Variants in ZNF398 observed in about 807,000 individuals in gnomAD.
ZNF398 encodes zinc finger protein 398.
ZNF398 carries 18 observed loss-of-function variants against 41.9 expected under a neutral mutation model. The observed-to-expected ratio is 0.43, with a 90% CI of 0.30 to 0.64. The LOEUF (loss-of-function observed/expected upper bound fraction) is 0.64. Ranked by LOEUF, ZNF398 falls within the 30% of genes least tolerant of loss-of-function variation. The pLI is 0.14. For synonymous variants in ZNF398, 260 were observed against 308.8 expected (o/e 0.84, Z 1.66); for missense variants, 669 against 822.8 (o/e 0.81, Z 2.29).
At chr7:149,140,290 A>T (rs1380875173) in intron 2 of ZNF398, among the ~76,000 whole-genome samples, 1 of 152,204 alleles carries the variant, frequency 6.6e-6, no homozygotes, top group African/African-American at 2.4e-5. Context: ...GTTTATAAAA[A>T]TATAATTCTA....
intron 4 of ZNF398, among the ~76,000 whole-genome samples, chr7:149,175,639 A>T (rs115445834): frequency 6.6e-6 from 1 of 152,192 alleles, no homozygotes; most frequent in African/African-American, 2.4e-5. Flanking sequence ...TTCTGTGTCT[A>T]TACTGAACTA....
chr7:149,172,403 T>C (rs6947302), intron 4 of ZNF398, among the ~76,000 whole-genome samples: 33,570 of 152,062 alleles, frequency 0.22, 4,376 homozygotes, highest in African/African-American at 0.35. Flanking sequence ...TTAGAAGCTA[T>C]GTCAACTGTG....
intron 4 of ZNF398, among the ~76,000 whole-genome samples, chr7:149,170,596 A>G (rs1795314073): frequency 6.6e-6 from 1 of 152,014 alleles, no homozygotes; most frequent in Non-Finnish European, 1.5e-5. Flanking sequence ...TTAGCCAGCC[A>G]TGGTGGTGGG....
rs10279704 is a variant in ZNF398 at position 149,175,539 on chromosome 7, G to A, written c.662-929G>A. Among the ~76,000 whole-genome samples the A allele has an allele frequency of 9.7e-3, 1,470 of 152,166 alleles. 26 individuals are homozygous for A. Among genetic ancestry groups the A allele is most frequent in the African/African-American group, 0.033 (1,378 of 41,504 alleles). Reference sequence around the variant, plus strand: ...CCCCTCCCAGCATTTAGGAAACAATGACTTGTATCATTTAATAGACAAAGA... The same window carrying A: ...CCCCTCCCAGCATTTAGGAAACAATAACTTGTATCATTTAATAGACAAAGA... On this transcript the variant is annotated intron_variant, in intron 4 of 5. Coordinates refer to ENST00000475153, the MANE Select transcript of ZNF398 (RefSeq NM_170686.3).
chr7:149,156,064 G>A (rs1359558180), intron 2 of ZNF398, among the ~76,000 whole-genome samples: 1 of 152,028 alleles, frequency 6.6e-6, no homozygotes, highest in Non-Finnish European at 1.5e-5. Flanking sequence ...GCTGCTTTGT[G>A]GAGGATGGAT....
chr7:149,176,672 A>G (rs576904253), intron 5 of ZNF398, 91 bp downstream of exon 5: 6 of 751,176 alleles, frequency 8.0e-6, no homozygotes, highest in Non-Finnish European at 1.3e-5. Context: ...GTAGAGGCAA[A>G]TATGTGGGAG....
At position 149,161,726 on chromosome 7, in the gene ZNF398, C is replaced by CAG. The variant is rs1795108194; in HGVS notation, c.421-4431_421-4430dup. Reference sequence around the variant, plus strand: ...AAAGCAAACATACCAGGAAAAACTTCAGCTCCTGCTTGAAGAACTAAGAGG... The same window carrying CAG: ...AAAGCAAACATACCAGGAAAAACTTCAGAGCTCCTGCTTGAAGAACTAAGAGG... On this transcript the variant is annotated intron_variant, in intron 2 of 5. Coordinates refer to ENST00000475153, the MANE Select transcript of ZNF398 (RefSeq NM_170686.3). 2.0e-5 allele frequency among the ~76,000 whole-genome samples: 3 copies of CAG among 151,654 alleles called. No homozygotes were observed. In the South Asian group the frequency reaches 6.2e-4, roughly 32 times the overall value.
chr7:149,153,048 G>T (rs1366677344), intron 1 of ZNF398, among the ~76,000 whole-genome samples: 2 of 151,818 alleles, frequency 1.3e-5, no homozygotes, highest in African/African-American at 2.4e-5. Context: ...TAGTAGAGAC[G>T]GGATTTCACC....
Position 149,147,874 on chromosome 7 carries a change from G to C in ZNF398, c.24+108G>C. The C allele has an allele frequency of 8.1e-7, 1 of 1,228,724 alleles. No homozygotes were observed. Among genetic ancestry groups the C allele is most frequent in the Non-Finnish European group, 1.0e-6 (1 of 964,202 alleles). 76.1% of individuals were successfully genotyped at this position (1,228,724 alleles called of 1,614,324 possible). ...GGCATAGGCGCCGTTCTCGGGTCCC[G>C]CCGGCCACGTCGCCTGTCGCCCGTG... On this transcript the variant is annotated intron_variant, in intron 1 of 5. Transcript: ENST00000475153. This position sits in a 1 kb window ranked among gnomAD's most constrained non-coding sequence, Gnocchi z 5.6.
chr7:149,148,199 C>G (rs1474641577), intron 1 of ZNF398: 1 of 168,430 alleles, frequency 5.9e-6, no homozygotes, highest in African/African-American at 2.4e-5. Flanking sequence ...GAGGCGCATT[C>G]CCGCCGCGCT....
chr7:149,177,897 C>T (rs1340025734), intron 5 of ZNF398, among the ~76,000 whole-genome samples: 1 of 152,038 alleles, frequency 6.6e-6, no homozygotes, highest in Admixed American at 6.6e-5. Context: ...GCCTGTAATC[C>T]CAGCACTTTG....
At chr7:149,161,668 G>A (rs1795106734) in intron 2 of ZNF398, among the ~76,000 whole-genome samples, 2 of 152,300 alleles carry the variant, frequency 1.3e-5, no homozygotes, top group Admixed American at 1.3e-4. Context: ...AGTACATAAA[G>A]TCGCAAAAAG....
intron 2 of ZNF398, among the ~76,000 whole-genome samples, chr7:149,137,770 G>C (rs1296639845): frequency 6.6e-6 from 1 of 150,896 alleles, no homozygotes; most frequent in Non-Finnish European, 1.5e-5. Context: ...TATTTGTTTT[G>C]TCAAATCATT....
intron 1 of ZNF398, among the ~76,000 whole-genome samples, chr7:149,149,118 C>T (rs1271912080): frequency 6.6e-6 from 1 of 150,550 alleles, no homozygotes; most frequent in South Asian, 2.1e-4. Flanking sequence ...GTCCACACCG[C>T]GTCTCTAAAA....
chr7:149,155,426 C>T lies in ZNF398; in HGVS notation c.420+1086C>T, dbSNP rs148756673. 3.9e-3 allele frequency among the ~76,000 whole-genome samples: 595 copies of T among 151,976 alleles called. 6 individuals are homozygous for T. Among genetic ancestry groups the T allele is most frequent in the African/African-American group, 0.013 (551 of 41,476 alleles). ...CAGAGTGAGACTCCGTCTCCAACAA[C>T]GACAAAAAAGAAGAATCACCTGGTA... On this transcript the variant is annotated intron_variant, in intron 2 of 5. Coordinates refer to ENST00000475153, the MANE Select transcript of ZNF398 (RefSeq NM_170686.3).
At chr7:149,161,630 A>G (rs1475734808) in intron 2 of ZNF398, among the ~76,000 whole-genome samples, 3 of 152,210 alleles carry the variant, frequency 2.0e-5, no homozygotes, top group Non-Finnish European at 4.4e-5. Context: ...TGAATGCCTA[A>G]CATACAAGCA....
chr7:149,145,708 A>G (rs1017717390), upstream of ZNF398, among the ~76,000 whole-genome samples: 5 of 152,096 alleles, frequency 3.3e-5, no homozygotes, highest in African/African-American at 9.7e-5. Flanking sequence ...AGTCAACTCC[A>G]TTACCCTTAC....
intron 2 of ZNF398, among the ~76,000 whole-genome samples, chr7:149,161,830 T>C (rs1389178023): frequency 1.4e-5 from 2 of 147,084 alleles, no homozygotes; most frequent in Non-Finnish European, 3.0e-5. Context: ...AAAAGGGGAA[T>C]TGTTAAAAGC....
At chr7:149,162,404 G>A (rs993580748) in intron 2 of ZNF398, among the ~76,000 whole-genome samples, 9 of 152,102 alleles carry the variant, frequency 5.9e-5, no homozygotes, top group African/African-American at 2.2e-4. Flanking sequence ...GGATGGTCTC[G>A]ATCTCCTGAC....
Sources: gnomAD v4.1 joint callset for allele counts (sites outside exome capture counted in the v4.1 genomes callset) on GRCh38, gnomAD v4.1.1 for gene constraint, Gnocchi (gnomAD v3.1) non-coding constraint, MANE v1.5 for transcripts, NCBI Gene and HGNC (gene_info 2026-07-23, HGNC 2026-07-21) for gene names.